The following DCAF8L2 variants were observed in gnomAD, a reference collection of about 807,000 sequenced individuals.
DCAF8L2 encodes DDB1- and CUL4-associated factor 8-like protein 2.
For missense variants in DCAF8L2, 430 were observed against 490.7 expected (o/e 0.88, Z 1.17); for synonymous variants, 200 against 190.9 (o/e 1.05, Z -0.39).
intron 1 of DCAF8L2, among the ~76,000 whole-genome samples, chrX:27,619,839 TA>T (rs775178808): frequency 9.2e-6 from 1 of 108,402 alleles, no homozygotes; most frequent in East Asian, 2.9e-4. Flanking sequence ...AACTGCATGA[TA>T]AAAAAAAGAA....
the DCAF8L2 span, among the ~76,000 whole-genome samples, chrX:27,531,636 G>C: frequency 8.9e-6 from 1 of 111,858 alleles, no homozygotes; most frequent in Non-Finnish European, 1.9e-5. Context: ...CTGAGAAATA[G>C]AGAACATTAT....
At chrX:27,666,160 G>C (rs950513657) in intron 2 of DCAF8L2, among the ~76,000 whole-genome samples, 2 of 111,904 alleles carry the variant, frequency 1.8e-5, no homozygotes, top group Non-Finnish European at 1.9e-5. Context: ...TATTAAAATT[G>C]TGTATGTTTA....
At chrX:27,727,579 A>G (rs1932111486) in intron 4 of DCAF8L2, among the ~76,000 whole-genome samples, 1 of 111,504 alleles carries the variant, frequency 9.0e-6, no homozygotes, top group African/African-American at 3.3e-5. Flanking sequence ...CAAATTCTTC[A>G]ACTTTTTTTC....
intron 4 of DCAF8L2, among the ~76,000 whole-genome samples, chrX:27,745,479 A>G (rs1922115192): frequency 8.9e-6 from 1 of 112,011 alleles, no homozygotes; most frequent in Non-Finnish European, 1.9e-5. Context: ...ACTTCCATAC[A>G]TTATTCCATT....
chrX:27,549,070 C>T, the DCAF8L2 span, among the ~76,000 whole-genome samples: 6 of 111,983 alleles, frequency 5.4e-5, no homozygotes, highest in South Asian at 2.2e-3. Flanking sequence ...CTCTCAGTAA[C>T]TGTAGAAGTA....
At position 27,747,423 on chromosome X, in the gene DCAF8L2, C is replaced by T. The variant is rs765811258; in HGVS notation, c.528C>T (p.Ser176=). The stretch of plus-strand genomic sequence containing the variant: ...ATCAGGCGCTGGAGGAGTGGGTTTC[C>T]TCAGAGACATCTGCCCTGCCCCGAC... ...EEDQALEEWV[S]SETSALPRPR... The change falls in exon 5 of 5, where the codon TCC becomes TCT. Residue 176 remains serine (S), a synonymous_variant. Transcript: ENST00000451261. 2.6e-6 allele frequency: 3 copies of T among 1,172,782 alleles called. No individual in the cohort carries two copies. The East Asian group carries it at 9.6e-5, about 38-fold the overall frequency.
chrX:27,593,151 G>A (rs1926198656), intron 1 of DCAF8L2, among the ~76,000 whole-genome samples: 1 of 111,481 alleles, frequency 9.0e-6, no homozygotes, highest in African/African-American at 3.3e-5. Flanking sequence ...CGCTCACAGT[G>A]TTGTGCAACC....
chrX:27,600,474 T>C (rs1240516552), intron 1 of DCAF8L2, among the ~76,000 whole-genome samples: 1 of 111,958 alleles, frequency 8.9e-6, no homozygotes, highest in Non-Finnish European at 1.9e-5. Context: ...GAGAGATTTA[T>C]TTAATTTGCA....
At chrX:27,569,610 A>G in the DCAF8L2 span, among the ~76,000 whole-genome samples, 1 of 112,342 alleles carries the variant, frequency 8.9e-6, no homozygotes, top group East Asian at 2.8e-4. Context: ...TTTAGAATAC[A>G]GCTGTTTAAC....
upstream of DCAF8L2, among the ~76,000 whole-genome samples, chrX:27,588,804 G>T (rs1387399205): frequency 9.1e-6 from 1 of 110,302 alleles, no homozygotes; most frequent in South Asian, 3.9e-4. Flanking sequence ...GGGAAGAGGA[G>T]TTCATTGAAT....
At chrX:27,539,592 C>A in the DCAF8L2 span, among the ~76,000 whole-genome samples, 2 of 111,693 alleles carry the variant, frequency 1.8e-5, no homozygotes, top group Middle Eastern at 9.3e-3. Flanking sequence ...TGAAGGCAAT[C>A]TTTCCAATAT....
rs1169128381 is a variant in DCAF8L2, at chrX:27,747,430, A to G, written c.535A>G (p.Thr179Ala). ...QALEEWVSSE[T>A]SALPRPRWQV... Reference sequence around the variant, plus strand: ...GCTGGAGGAGTGGGTTTCCTCAGAGACATCTGCCCTGCCCCGACCTCGCTG... The same window carrying G: ...GCTGGAGGAGTGGGTTTCCTCAGAGGCATCTGCCCTGCCCCGACCTCGCTG... The change falls in exon 5 of 5, where the codon ACA (threonine) becomes GCA (alanine). Residue 179 changes from threonine to alanine, a missense_variant. Thr to Ala is a moderately conservative substitution (Grantham distance 58, BLOSUM62 0). Transcript: ENST00000451261. 7 of 1,171,050 alleles carry G rather than the reference A, an allele frequency of 6.0e-6. No homozygotes were observed. The Admixed American group carries it at 1.5e-4, about 25-fold the overall frequency.
the DCAF8L2 span, among the ~76,000 whole-genome samples, chrX:27,532,990 T>C: frequency 9.7e-6 from 1 of 103,200 alleles, no homozygotes. Context: ...GGCATGAGAA[T>C]CACTTGAACC....
chrX:27,666,783 C>T (rs762876885), intron 2 of DCAF8L2, among the ~76,000 whole-genome samples: 67 of 111,900 alleles, frequency 6.0e-4, no homozygotes, highest in Non-Finnish European at 9.8e-4. Context: ...CATATTTACA[C>T]ATTAATGTCA....
the DCAF8L2 span, among the ~76,000 whole-genome samples, chrX:27,523,116 A>G: frequency 1.8e-5 from 2 of 111,758 alleles, no homozygotes; most frequent in African/African-American, 6.5e-5. Flanking sequence ...TGAAATCATT[A>G]TTTTTCTAAT....
intron 4 of DCAF8L2, among the ~76,000 whole-genome samples, chrX:27,742,879 T>C (rs769599819): frequency 1.8e-5 from 2 of 111,862 alleles, no homozygotes; most frequent in South Asian, 7.5e-4. Context: ...CTCAAACTAG[T>C]GTCTGCATTG....
chrX:27,717,938 C>T (rs72623782), intron 4 of DCAF8L2, among the ~76,000 whole-genome samples: 124 of 111,470 alleles, frequency 1.1e-3, no homozygotes, highest in African/African-American at 3.7e-3. Flanking sequence ...TTTTTTATTC[C>T]GTTGAATTGC....
the DCAF8L2 span, among the ~76,000 whole-genome samples, chrX:27,495,047 A>G: frequency 9.0e-6 from 1 of 110,910 alleles, no homozygotes; most frequent in Non-Finnish European, 1.9e-5. Context: ...TTTGACGTAT[A>G]CCTTTATATG....
the DCAF8L2 span, among the ~76,000 whole-genome samples, chrX:27,492,562 C>T: frequency 9.2e-6 from 1 of 108,160 alleles, no homozygotes; most frequent in Admixed American, 9.8e-5. Context: ...TCACTGCAAC[C>T]TCCGCCTCCC....
Sources: allele counts gnomAD v4.1 joint callset (sites outside exome capture counted in the v4.1 genomes callset), GRCh38; gene constraint gnomAD v4.1.1; transcripts MANE v1.5; gene names NCBI Gene and HGNC (gene_info 2026-07-23, HGNC 2026-07-21).